Variants in SLITRK2 observed in about 807,000 individuals in gnomAD.
SLITRK2 encodes the protein SLIT and NTRK-like protein 2.
SLITRK2 carries 13 observed loss-of-function variants against 35.4 expected under a neutral mutation model. That is an observed-to-expected ratio of 0.37 (90% CI 0.24 to 0.58). The LOEUF is 0.58. Ranked by LOEUF, SLITRK2 falls within the 20% of genes least tolerant of loss-of-function variation. The pLI, the probability that SLITRK2 is intolerant of heterozygous loss-of-function variation, is 0.75. For missense variants in SLITRK2, 471 were observed against 634.3 expected, an observed-to-expected ratio of 0.74 and a Z score of 2.76; for synonymous variants, 294 against 264.7, an observed-to-expected ratio of 1.11 and a Z score of -1.07.
Position 145,824,895 on chromosome X carries a change from G to A in SLITRK2, c.2470G>A (p.Ala824Thr), listed in dbSNP as rs782257818. 5 of 1,209,429 alleles carry A rather than the reference G, an allele frequency of 4.1e-6. No homozygotes were observed. Among genetic ancestry groups the A allele is most frequent in the Non-Finnish European group, 5.6e-6 (5 of 895,141 alleles). Residue 824 changes from alanine to threonine, a missense_variant, in exon 5 of 5, where the codon GCT becomes ACT. Physicochemically the swap from Ala to Thr is moderately conservative, Grantham distance 58. Transcript: ENST00000335565. ...AAAACCCAACCACCCTTTACTGCAAGCTAAGCCGCAATCAGAACCGGACTA... is the reference window on the plus strand; with the variant it reads ...AAAACCCAACCACCCTTTACTGCAAACTAAGCCGCAATCAGAACCGGACTA... ...QSKPNHPLLQ[A>T]KPQSEPDYLE...
Position 145,822,684 on chromosome X carries a change from A to C in SLITRK2, c.259A>C (p.Asn87His). 8.3e-7 allele frequency: 1 copy of C among 1,211,581 alleles called. No homozygotes were observed. Among genetic ancestry groups the C allele is most frequent in the Admixed American group, 2.2e-5 (1 of 46,054 alleles). ...TCCAAACGAATTTGTCAATTACTCC[A>C]ACGCGGTGACTCTTCACCTAGGTAA... ...LYPNEFVNYS[N>H]AVTLHLGNNG... The change falls in exon 5 of 5, where the codon AAC becomes CAC. Residue 87 changes from asparagine to histidine, a missense_variant. By Grantham distance (68) the Asn-to-His change is moderately conservative. Coordinates refer to ENST00000335565, the MANE Select transcript of SLITRK2 (RefSeq NM_032539.5).
chrX:145,827,824 A>C lies in SLITRK2; in HGVS notation c.*2861A>C. ...TCTGTTTTGCTTTATCTGCTCAAGC[A>C]CTTTCGACCATATTTTATTTTAGGA... On this transcript the variant is annotated 3_prime_UTR_variant, in exon 5 of 5. Transcript: ENST00000335565. 8.3e-7 allele frequency: 1 copy of C among 1,211,912 alleles called. No homozygotes were observed. The highest frequency in any genetic ancestry group is 1.1e-6 in the Non-Finnish European group (1 of 895,560).
chrX:145,823,660 C>A lies in SLITRK2; in HGVS notation c.1235C>A (p.Ala412Glu). The change falls in exon 5 of 5, where the codon GCA (alanine) becomes GAA (glutamate). Residue 412 changes from alanine (A) to glutamate (E), a missense_variant. By Grantham distance (107) the Ala-to-Glu change is moderately radical. Transcript: ENST00000335565. ...DLLHLGNNRIAVIQEGAFTNL... is the reference protein window; with the variant it reads ...DLLHLGNNRIEVIQEGAFTNL... ...CTGCACTTAGGAAACAACAGGATTGCAGTCATTCAGGAAGGTGCCTTTACA... is the reference window on the plus strand; with the variant it reads ...CTGCACTTAGGAAACAACAGGATTGAAGTCATTCAGGAAGGTGCCTTTACA... 1 of 1,211,245 alleles carries A rather than the reference C, an allele frequency of 8.3e-7. No individual in the cohort carries two copies. Among genetic ancestry groups the A allele is most frequent in the Non-Finnish European group, 1.1e-6 (1 of 895,177 alleles).
Position 145,825,310 on chromosome X carries a change from G to A in SLITRK2, c.*347G>A, listed in dbSNP as rs1459081111. 2 of 187,601 alleles carry A rather than the reference G, an allele frequency of 1.1e-5. No individual in the cohort carries two copies. The highest frequency in any genetic ancestry group is 2.1e-5 in the Non-Finnish European group (2 of 96,968). 15.5% of individuals were successfully genotyped at this position (187,601 alleles called of 1,213,427 possible). On this transcript the variant is annotated 3_prime_UTR_variant, in exon 5 of 5. Coordinates refer to ENST00000335565, the MANE Select transcript of SLITRK2 (RefSeq NM_032539.5). ...TTCTTCTTTGTTTTTCAGTGTGGGA[G>A]TGGGAAGAGGAGATTATAGTGACTG... is the stretch of plus-strand genomic sequence containing the variant.
rs2073102658 is a variant in SLITRK2 at position 145,825,110 on chromosome X, C to T, written c.*147C>T. 3.3e-6 allele frequency: 2 copies of T among 611,179 alleles called. No individual in the cohort carries two copies. The highest frequency in any genetic ancestry group is 4.5e-6 in the Non-Finnish European group (2 of 440,856). The allele number at this position is 611,179 out of a possible 1,213,427, so 50.4% of individuals were successfully genotyped here. ...AAATGTTTGGGAGATAGGATGAAGT[C>T]ATGATTTTGCTTTTGCAAGTTTTCC... On this transcript the variant is annotated 3_prime_UTR_variant, in exon 5 of 5. Transcript: ENST00000335565.
Position 145,823,541 on chromosome X carries a change from C to T in SLITRK2, c.1116C>T (p.Pro372=), listed in dbSNP as rs1469687643. ...RKFTNISDLQ[P]KPTSPKKLYL... ...TCACTAATATCTCTGACCTGCAGCC[C>T]AAACCGACCAGTCCAAAGAAACTCT... Residue 372 remains proline (P), a synonymous_variant, in exon 5 of 5, where the codon CCC becomes CCT. Transcript: ENST00000335565. The T allele has an allele frequency of 1.7e-6, 2 of 1,209,875 alleles. No homozygotes were observed. Among genetic ancestry groups the T allele is most frequent in the Non-Finnish European group, 2.2e-6 (2 of 895,102 alleles).
At position 145,823,017 on chromosome X, in the gene SLITRK2, T is replaced by C. The variant is rs2124162856; in HGVS notation, c.592T>C (p.Phe198Leu). 8.3e-7 allele frequency: 1 copy of C among 1,211,465 alleles called. No homozygotes were observed. Residue 198 changes from phenylalanine to leucine, a missense_variant, in exon 5 of 5, where the codon TTT becomes CTT. Phe to Leu is a conservative substitution (Grantham distance 22, BLOSUM62 0). Around this residue, in one of 7 missense-constraint regions of SLITRK2, gnomAD observed 15 missense variants for 45.7 expected, o/e 0.33. Transcript: ENST00000335565. ...GGGGAATAGGCTAAAAGTAATGCCT[T>C]TTGCTGGCGTCCTTGAACATATTGG... is the stretch of plus-strand genomic sequence containing the variant. ...LRGNRLKVMP[F>L]AGVLEHIGGI... is the part of the protein sequence containing the mutation.
At position 145,824,780 on chromosome X, in the gene SLITRK2, C is replaced by T. The variant is rs1025292599; in HGVS notation, c.2355C>T (p.Ala785=). ...NFCTLPKRQF[A]PSYESRRQNQ... ...GTACCTTACCTAAAAGGCAGTTTGC[C>T]CCTTCCTATGAATCTCGACGCCAAA... The change falls in exon 5 of 5, where the codon GCC becomes GCT. Residue 785 remains alanine, a synonymous_variant. Coordinates refer to ENST00000335565, the MANE Select transcript of SLITRK2 (RefSeq NM_032539.5). 15 of 1,209,215 alleles carry T rather than the reference C, an allele frequency of 1.2e-5. No individual in the cohort carries two copies. The highest frequency in any genetic ancestry group is 1.7e-5 in the Non-Finnish European group (15 of 895,072).
chrX:145,819,442 T>C (rs2072955033), intron 1 of SLITRK2: 1 of 111,957 alleles, frequency 8.9e-6, no homozygotes, highest in Non-Finnish European at 1.9e-5. Flanking sequence ...AGTCAGCACT[T>C]TCCCTGGTTA....
At position 145,825,316 on chromosome X, in the gene SLITRK2, AGAG is replaced by A. The variant is rs1258607476; in HGVS notation, c.*357_*359del. 25 of 181,978 alleles carry A rather than the reference AGAG, an allele frequency of 1.4e-4. No individual in the cohort carries two copies. The East Asian group carries it at 1.5e-3, about 11-fold the overall frequency. The allele number at this position is 181,978 out of a possible 1,213,427, so 15.0% of individuals were successfully genotyped here. A position where few individuals can be genotyped will look rare whatever the true frequency, so the allele number is the denominator to read the frequency against. On this transcript the variant is annotated 3_prime_UTR_variant, in exon 5 of 5. Transcript: ENST00000335565. The stretch of plus-strand genomic sequence containing the variant: ...TTTGTTTTTCAGTGTGGGAGTGGGA[AGAG>A]GAGATTATAGTGACTGAAGAAAGAA...
chrX:145,820,706 G>C (rs2072987395), intron 2 of SLITRK2, 170 bp downstream of exon 2: 1 of 111,855 alleles, frequency 8.9e-6, no homozygotes, highest in African/African-American at 3.3e-5. Context: ...GCCTGGCAGT[G>C]CTTTTCTGAC....
At position 145,825,286 on chromosome X, in the gene SLITRK2, T is replaced by G; in HGVS notation, c.*323T>G. 4.6e-6 allele frequency: 1 copy of G among 219,223 alleles called. No individual in the cohort carries two copies. The highest frequency in any genetic ancestry group is 8.6e-6 in the Non-Finnish European group (1 of 115,777). 18.1% of individuals were successfully genotyped at this position (219,223 alleles called of 1,213,427 possible). A position where few individuals can be genotyped will look rare whatever the true frequency, so the allele number is the denominator to read the frequency against. On this transcript the variant is annotated 3_prime_UTR_variant, in exon 5 of 5. Coordinates refer to ENST00000335565, the MANE Select transcript of SLITRK2 (RefSeq NM_032539.5). ...TTTGTTTATGGTTTTGTTTCTTTTT[T>G]CTTCTTTGTTTTTCAGTGTGGGAGT... is the stretch of plus-strand genomic sequence containing the variant.
rs2124161667 is a variant in SLITRK2, at chrX:145,822,977, C to T, written c.552C>T (p.Thr184=). 1 of 1,211,298 alleles carries T rather than the reference C, an allele frequency of 8.3e-7. No homozygotes were observed. The highest frequency in any genetic ancestry group is 1.8e-5 in the South Asian group (1 of 56,947). ...ATGTGTTCCGCTTTGTCCTGCTGAC[C>T]CACTTAGACCTCAGGGGGAATAGGC... ...PSNVFRFVLL[T]HLDLRGNRLK... The change falls in exon 5 of 5, where the codon ACC becomes ACT. Residue 184 remains threonine (T), a synonymous_variant. Transcript: ENST00000335565.
rs2124189721 is a variant in SLITRK2 at position 145,823,997 on chromosome X, A to G, written c.1572A>G (p.Ile524Met). 2 of 1,209,880 alleles carry G rather than the reference A, an allele frequency of 1.7e-6. No homozygotes were observed. Among genetic ancestry groups the G allele is most frequent in the Non-Finnish European group, 2.2e-6 (2 of 894,809 alleles). Reference protein sequence around the residue: ...VLDQLPAFIQIDLQENPWDCT... With the variant: ...VLDQLPAFIQMDLQENPWDCT... ...ATCAGCTCCCGGCTTTCATCCAGAT[A>G]GATCTGCAGGAGAACCCCTGGGACT... is the stretch of plus-strand genomic sequence containing the variant. Residue 524 changes from isoleucine (I) to methionine (M), a missense_variant, in exon 5 of 5, where the codon ATA becomes ATG. This residue lies in a region of SLITRK2 where 92 missense variants were observed against 184.2 expected (regional missense o/e 0.50). Transcript: ENST00000335565.
chrX:145,821,130 C>CACACACACACAT (rs1556943098), intron 2 of SLITRK2: 4 of 100,845 alleles, frequency 4.0e-5, no homozygotes, highest in African/African-American at 1.5e-4. Flanking sequence ...CTCACTCACA[C>CACACACACACAT]ACACACACAC....
In SLITRK2 at chrX:145,827,715, T is replaced by C. The variant is rs374079981; in HGVS notation, c.*2752T>C. ...CTATTTTATTTAAAATCATCATACA[T>C]CATATACTTTGAACCTTTATTTTCT... On this transcript the variant is annotated 3_prime_UTR_variant, in exon 5 of 5. Coordinates refer to ENST00000335565, the MANE Select transcript of SLITRK2 (RefSeq NM_032539.5). The C allele has an allele frequency of 1.7e-6, 2 of 1,172,999 alleles. No homozygotes were observed. The highest frequency in any genetic ancestry group is 2.3e-6 in the Non-Finnish European group (2 of 867,326).
In SLITRK2 at chrX:145,817,853, C is replaced by G. The variant is rs1182904501; in HGVS notation, c.-966C>G. 1 of 106,309 alleles carries G rather than the reference C, an allele frequency of 9.4e-6. No individual in the cohort carries two copies. Among genetic ancestry groups the G allele is most frequent in the East Asian group, 3.1e-4 (1 of 3,276 alleles). The allele number at this position is 106,309 out of a possible 1,213,427, so 8.8% of individuals were successfully genotyped here. Reference sequence around the variant, plus strand: ...CCTCCTTCCTGCAAGAAGCGTTGCCCGTTGGCTAGCTGCTCGGTGGGGATC... The same window carrying G: ...CCTCCTTCCTGCAAGAAGCGTTGCCGGTTGGCTAGCTGCTCGGTGGGGATC... On this transcript the variant is annotated 5_prime_UTR_variant, in exon 1 of 5. Transcript: ENST00000335565.
rs1244559018 is a variant in SLITRK2, at chrX:145,827,079, C to T, written c.*2116C>T. On this transcript the variant is annotated 3_prime_UTR_variant, in exon 5 of 5. Transcript: ENST00000335565. ...TGATTAGAGGTGATAATTCCTATTTCGATCCATTAGAAGAAAGTTGAAAAT... is the reference window on the plus strand; with the variant it reads ...TGATTAGAGGTGATAATTCCTATTTTGATCCATTAGAAGAAAGTTGAAAAT... 6 of 111,590 alleles carry T rather than the reference C, an allele frequency of 5.4e-5. No homozygotes were observed. The highest frequency in any genetic ancestry group is 1.3e-4 in the African/African-American group (4 of 30,780). The allele number at this position is 111,590 out of a possible 1,213,427, so 9.2% of individuals were successfully genotyped here. A position where few individuals can be genotyped will look rare whatever the true frequency, so the allele number is the denominator to read the frequency against.
In SLITRK2 at chrX:145,829,101, T is replaced by C. The variant is rs919285729; in HGVS notation, c.*4138T>C. 19 of 123,636 alleles carry C rather than the reference T, an allele frequency of 1.5e-4. 1 individual carries two copies. Among genetic ancestry groups the C allele is most frequent in the Admixed American group, 4.7e-4 (5 of 10,596 alleles). The allele number at this position is 123,636 out of a possible 1,213,427, so 10.2% of individuals were successfully genotyped here. On this transcript the variant is annotated 3_prime_UTR_variant, in exon 5 of 5. Transcript: ENST00000335565. ...TAAGTGTCTTTTATCAATACAATGA[T>C]AAGACACCTTAATCCTGAGAGAGAA...
Sources: allele counts gnomAD v4.1 joint callset, GRCh38; gene constraint gnomAD v4.1.1; regional missense constraint gnomAD v4.1.1; transcripts MANE v1.5; gene names NCBI Gene and HGNC (gene_info 2026-07-23, HGNC 2026-07-21).